The following SHANK2 variants were observed in gnomAD, a reference collection of about 807,000 sequenced individuals.
SHANK2 encodes the protein SH3 and multiple ankyrin repeat domains protein 2.
Under a neutral mutation model 133.7 loss-of-function variants are expected in SHANK2, and 43 were observed. The ratio of observed to expected loss-of-function variants is 0.32; its 90% CI spans 0.25 to 0.41. The LOEUF (loss-of-function observed/expected upper bound fraction) is 0.41, where lower values mean the gene tolerates loss of function less well. SHANK2 is among the 10% of genes least tolerant of loss of function. The probability of loss-of-function intolerance (pLI) is 1.00; values close to 1 mark genes in which losing one functional copy is unlikely to be tolerated. For missense variants in SHANK2, 1,994 were observed against 2,235.8 expected (o/e 0.89, Z 2.18); for synonymous variants, 1,017 against 952.8 (o/e 1.07, Z -1.24).
chr11:70,657,282 C>T (rs1419203720), intron 17 of SHANK2, among the ~76,000 whole-genome samples: 1 of 152,282 alleles, frequency 6.6e-6, no homozygotes, highest in South Asian at 2.1e-4. Context: ...CCAGGACTGG[C>T]TGCTCACCAA....
intron 21 of SHANK2, among the ~76,000 whole-genome samples, chr11:70,497,358 T>G (rs2058986045): frequency 6.6e-6 from 1 of 152,210 alleles, no homozygotes; most frequent in Admixed American, 6.5e-5. Flanking sequence ...TAGGTCTTTA[T>G]TCAGGGACTC....
At chr11:70,506,292 T>G (rs529353848) in intron 17 of SHANK2, among the ~76,000 whole-genome samples, 1 of 152,322 alleles carries the variant, frequency 6.6e-6, no homozygotes, top group Admixed American at 6.5e-5. Context: ...AGATTTGATG[T>G]CTCATATCTG....
At chr11:70,668,625 A>G (rs1284691601) in intron 15 of SHANK2, 1 of 152,412 alleles carries the variant, frequency 6.6e-6, no homozygotes, top group Non-Finnish European at 1.5e-5. Context: ...ATCAATCCAC[A>G]GTCACAGAAA....
intron 10 of SHANK2, among the ~76,000 whole-genome samples, chr11:70,920,682 C>T (rs572060683): frequency 1.2e-4 from 19 of 152,194 alleles, no homozygotes; most frequent in Admixed American, 3.9e-4. Context: ...AGTGACAGCA[C>T]GCCACTGCAG....
At chr11:70,821,569 G>A (rs923009111) in intron 11 of SHANK2, among the ~76,000 whole-genome samples, 1 of 152,090 alleles carries the variant, frequency 6.6e-6, no homozygotes, top group African/African-American at 2.4e-5. Flanking sequence ...GGGATTACAG[G>A]TGCCCGCCAC....
chr11:70,648,358 A>G (rs2061295676), intron 17 of SHANK2, among the ~76,000 whole-genome samples: 1 of 152,228 alleles, frequency 6.6e-6, no homozygotes, highest in African/African-American at 2.4e-5. Flanking sequence ...ACACATGACA[A>G]AATGTATTAC....
intron 17 of SHANK2, among the ~76,000 whole-genome samples, chr11:70,579,804 G>A (rs1477685081): frequency 6.6e-6 from 1 of 152,252 alleles, no homozygotes; most frequent in East Asian, 1.9e-4. Context: ...GTCATCACAA[G>A]CGTCCTGATA....
intron 15 of SHANK2, among the ~76,000 whole-genome samples, chr11:70,697,917 C>T (rs1386521137): frequency 3.3e-5 from 5 of 152,186 alleles, no homozygotes; most frequent in Admixed American, 2.0e-4. Flanking sequence ...CACACTGGCC[C>T]TTGTTGAGCT....
intron 12 of SHANK2, among the ~76,000 whole-genome samples, chr11:70,816,912 C>T (rs984677417): frequency 2.0e-5 from 3 of 152,192 alleles, no homozygotes; most frequent in Admixed American, 1.3e-4. Context: ...CCAGCCTTTG[C>T]ACCCCGGCTA....
intron 10 of SHANK2, among the ~76,000 whole-genome samples, chr11:70,944,283 A>G (rs11601701): frequency 0.28 from 43,152 of 151,890 alleles, 7,265 homozygotes; most frequent in African/African-American, 0.47. Flanking sequence ...AGAGCCATCC[A>G]CCCTCCTGTG....
chr11:70,781,332 G>T lies in SHANK2; in HGVS notation c.1777+17111C>A, dbSNP rs541981494. The stretch of plus-strand genomic sequence containing the variant: ...ACAGGCACTGGCTGGTGTTGGAATC[G>T]GGGTCAGGATTATTGTCAGGACCCT... On this transcript the variant is annotated intron_variant, in intron 14 of 25. Transcript: ENST00000601538. Among the ~76,000 whole-genome samples the T allele has an allele frequency of 2.6e-5, 4 of 151,500 alleles. No homozygotes were observed. The South Asian group carries it at 8.3e-4, about 32-fold the overall frequency.
chr11:70,856,501 G>GTGGATGGA (rs777161766), intron 11 of SHANK2, among the ~76,000 whole-genome samples: 106 of 149,776 alleles, frequency 7.1e-4, no homozygotes, highest in African/African-American at 2.5e-3. Context: ...TGGATAATGA[G>GTGGATGGA]TGGATGGATG....
At chr11:70,810,633 G>C (rs1432747011) in intron 12 of SHANK2, among the ~76,000 whole-genome samples, 1 of 152,250 alleles carries the variant, frequency 6.6e-6, no homozygotes, top group Non-Finnish European at 1.5e-5. Flanking sequence ...CTCCCAGGCT[G>C]ACCTGCCCCA....
intron 18 of SHANK2, among the ~76,000 whole-genome samples, 195 bp from the exon 19 acceptor site, chr11:70,502,481 T>C (rs919563880): frequency 1.6e-4 from 25 of 151,772 alleles, no homozygotes; most frequent in African/African-American, 6.1e-4. Context: ...TGAACTGCAG[T>C]GCAGGCCCTC....
rs34587004 is a variant in SHANK2 at position 70,874,674 on chromosome 11, T to TAAAAA, written c.1174+21822_1174+21826dup. ...TTGAAATCTGCATATCTGCATTTAC[T>TAAAAA]AAAAAAAAAAAAAAAAAAAAAAAAT... On this transcript the variant is annotated intron_variant, in intron 11 of 25. Coordinates refer to ENST00000601538, the MANE Select transcript of SHANK2 (RefSeq NM_012309.5). Among the ~76,000 whole-genome samples the TAAAAA allele has an allele frequency of 2.6e-3, 300 of 114,154 alleles. 3 individuals are homozygous for TAAAAA. Among genetic ancestry groups the TAAAAA allele is most frequent in the African/African-American group, 9.9e-3 (293 of 29,466 alleles). The allele number at this position is 114,154 out of a possible 152,430, so 74.9% of individuals were successfully genotyped here.
chr11:70,594,913 G>C (rs782689112), intron 17 of SHANK2, among the ~76,000 whole-genome samples: 3 of 152,084 alleles, frequency 2.0e-5, no homozygotes, highest in Non-Finnish European at 2.9e-5. Flanking sequence ...CCATGTTCGT[G>C]GTTCATTTTA....
At chr11:70,520,134 T>G (rs1554970774) in intron 17 of SHANK2, among the ~76,000 whole-genome samples, 1 of 152,192 alleles carries the variant, frequency 6.6e-6, no homozygotes, top group African/African-American at 2.4e-5. Flanking sequence ...GGAGTTCCCA[T>G]ACACTCCACA....
At chr11:70,666,891 C>T (rs1244548565) in intron 15 of SHANK2, among the ~76,000 whole-genome samples, 2 of 152,092 alleles carry the variant, frequency 1.3e-5, no homozygotes, top group African/African-American at 2.4e-5. Flanking sequence ...TCCAGCGGCG[C>T]ACTCCCCAAA....
At chr11:70,895,929 C>T (rs1162275772) in intron 11 of SHANK2, among the ~76,000 whole-genome samples, 2 of 151,928 alleles carry the variant, frequency 1.3e-5, no homozygotes, top group Admixed American at 1.3e-4. Context: ...GCCCCTGCCC[C>T]TCACGTGCAG....
Sources: gnomAD v4.1 joint callset for allele counts (sites outside exome capture counted in the v4.1 genomes callset) on GRCh38, gnomAD v4.1.1 for gene constraint, MANE v1.5 for transcripts, NCBI Gene and HGNC (gene_info 2026-07-23, HGNC 2026-07-21) for gene names.